RELN: variants seen among roughly 807,000 people sequenced by gnomAD.
The protein encoded by RELN is reelin.
Under a neutral mutation model 427.6 loss-of-function variants are expected in RELN, and 108 were observed. The ratio of observed to expected loss-of-function variants is 0.25; its 90% CI spans 0.22 to 0.30. The LOEUF is 0.30. Among genes scored for constraint, RELN ranks in the 10% least tolerant of loss-of-function variants. The probability of loss-of-function intolerance (pLI) is 1.00; values close to 1 mark genes in which losing one functional copy is unlikely to be tolerated. For missense variants in RELN, 3,715 were observed against 4,302.8 expected (o/e 0.86, Z 3.82); for synonymous variants, 1,524 against 1,513.4 (o/e 1.01, Z -0.16).
At chr7:103,963,614 C>G (rs556308635) in intron 1 of RELN, among the ~76,000 whole-genome samples, 2 of 152,048 alleles carry the variant, frequency 1.3e-5, no homozygotes, top group African/African-American at 4.8e-5. Context: ...TTTTAAAAAT[C>G]TGAAAAACTA....
At chr7:103,980,155 T>A (rs1361658954) in intron 1 of RELN, among the ~76,000 whole-genome samples, 2 of 149,046 alleles carry the variant, frequency 1.3e-5, no homozygotes, top group African/African-American at 4.9e-5. Flanking sequence ...AGCGAAACTC[T>A]GTCTCCAAAA....
rs191070307 is a variant in RELN, at chr7:103,740,642, T to C, written c.656+8784A>G. Among the ~76,000 whole-genome samples the C allele has an allele frequency of 4.6e-5, 7 of 152,316 alleles. No homozygotes were observed. In the East Asian group the frequency reaches 5.8e-4, roughly 13 times the overall value. ...TTTTATGTACATGTACAGTCATTAG[T>C]AAATGAGATAAACTTGAATATTAAA... On this transcript the variant is annotated intron_variant, in intron 6 of 64. Coordinates refer to ENST00000428762, the MANE Select transcript of RELN (RefSeq NM_005045.4).
At chr7:103,634,588 A>G (rs1276655713) in intron 19 of RELN, among the ~76,000 whole-genome samples, 1 of 152,140 alleles carries the variant, frequency 6.6e-6, no homozygotes, top group African/African-American at 2.4e-5. Flanking sequence ...AAAAATAGAA[A>G]TGGCCTGAAG....
intron 16 of RELN, among the ~76,000 whole-genome samples, chr7:103,649,436 G>T (rs1832866297): frequency 6.6e-6 from 1 of 152,036 alleles, no homozygotes; most frequent in Non-Finnish European, 1.5e-5. Flanking sequence ...AGAAAGGTGG[G>T]AGGATGGAAG....
At chr7:103,703,133 G>C (rs149550439) in intron 8 of RELN, among the ~76,000 whole-genome samples, 514 of 152,254 alleles carry the variant, frequency 3.4e-3, no homozygotes, top group African/African-American at 0.012. Flanking sequence ...GCCCATGCCA[G>C]AGGAACTGAG....
intron 2 of RELN, among the ~76,000 whole-genome samples, chr7:103,876,253 GC>G (rs1375811492): frequency 1.3e-5 from 2 of 152,184 alleles, no homozygotes; most frequent in African/African-American, 4.8e-5. Context: ...TTTTACCCCT[GC>G]AAATACATTA....
At position 103,984,711 on chromosome 7, in the gene RELN, C is replaced by T. The variant is rs553787811; in HGVS notation, c.226+4420G>A. ...TTTTCATAGTCCTATATAAGCAGGACGCAGCTTCAGTTCACTTATAAATTG... is the reference window on the plus strand; with the variant it reads ...TTTTCATAGTCCTATATAAGCAGGATGCAGCTTCAGTTCACTTATAAATTG... On this transcript the variant is annotated intron_variant, in intron 1 of 64. Coordinates refer to ENST00000428762, the MANE Select transcript of RELN (RefSeq NM_005045.4). Among the ~76,000 whole-genome samples the T allele has an allele frequency of 7.9e-5, 12 of 152,176 alleles. No homozygotes were observed. In the East Asian group the frequency reaches 9.6e-4, roughly 12 times the overall value.
At chr7:103,724,822 A>T (rs565891585) in intron 7 of RELN, among the ~76,000 whole-genome samples, 16 of 152,100 alleles carry the variant, frequency 1.1e-4, no homozygotes, top group Non-Finnish European at 2.2e-4. Context: ...GAAAAAAAAA[A>T]AGAAGCACTG....
chr7:103,486,131 A>T (rs777985044), intron 61 of RELN, 66 bp downstream of exon 61: 39 of 1,442,534 alleles, frequency 2.7e-5, no homozygotes, highest in Non-Finnish European at 3.8e-5. Context: ...TATCTAACAG[A>T]CAATGGACAA....
At chr7:103,608,050 T>G (rs965925287) in intron 22 of RELN, among the ~76,000 whole-genome samples, 1 of 152,220 alleles carries the variant, frequency 6.6e-6, no homozygotes, top group Admixed American at 6.5e-5. Context: ...AGGGACCACA[T>G]TTGCTTTTAT....
At chr7:103,787,868 A>C (rs1792058877) in intron 3 of RELN, among the ~76,000 whole-genome samples, 1 of 152,200 alleles carries the variant, frequency 6.6e-6, no homozygotes, top group Non-Finnish European at 1.5e-5. Flanking sequence ...AAAACCTGGC[A>C]GAGACACAAC....
At chr7:103,935,606 A>G (rs1563100055) in intron 1 of RELN, among the ~76,000 whole-genome samples, 1 of 151,988 alleles carries the variant, frequency 6.6e-6, no homozygotes, top group East Asian at 1.9e-4. Context: ...AAGGATCCCA[A>G]ATCTCCCTCC....
intron 28 of RELN, among the ~76,000 whole-genome samples, chr7:103,578,757 A>G (rs577257965): frequency 1.3e-5 from 2 of 152,356 alleles, no homozygotes; most frequent in Admixed American, 6.5e-5. Flanking sequence ...AGCAGGCTAA[A>G]GTTAAGTTAA....
chr7:103,493,055 A>T lies in RELN; in HGVS notation c.9370-1029T>A, dbSNP rs1006833187. Among the ~76,000 whole-genome samples the T allele has an allele frequency of 1.4e-4, 22 of 152,164 alleles. 1 individual carries two copies. Among genetic ancestry groups the T allele is most frequent in the Admixed American group, 6.5e-5 (1 of 15,280 alleles). ...TTGACCTTAATTTGGTAAGTGATGG[A>T]GAGTCATTAAAGGTTTCTGTGGAAT... On this transcript the variant is annotated intron_variant, in intron 57 of 64. Transcript: ENST00000428762.
intron 3 of RELN, among the ~76,000 whole-genome samples, chr7:103,833,122 A>C (rs1169504991): frequency 6.6e-6 from 1 of 152,044 alleles, no homozygotes; most frequent in Non-Finnish European, 1.5e-5. Flanking sequence ...GTGAATGTTT[A>C]AAATCTCTTT....
chr7:103,472,936 G>A (rs1402633362), intron 64 of RELN, 28 bp from the exon 65 acceptor site: 1 of 1,546,816 alleles, frequency 6.5e-7, no homozygotes, highest in Admixed American at 1.7e-5. Context: ...GATAGAGGCA[G>A]GGAAGGAAAG....
At chr7:103,749,328 A>C in intron 6 of RELN, 98 bp downstream of exon 6, 2 of 933,222 alleles carry the variant, frequency 2.1e-6, no homozygotes, top group Non-Finnish European at 3.6e-6. Context: ...CTTAGCACTA[A>C]AGATCAACTT....
At chr7:103,682,675 A>G (rs1416003759) in intron 10 of RELN, among the ~76,000 whole-genome samples, 2 of 152,200 alleles carry the variant, frequency 1.3e-5, no homozygotes, top group Admixed American at 6.5e-5. Context: ...CTTGCCATTC[A>G]AGTCTTTCAC....
intron 2 of RELN, among the ~76,000 whole-genome samples, chr7:103,896,469 G>A (rs539471896): frequency 1.7e-3 from 254 of 152,098 alleles, no homozygotes; most frequent in Non-Finnish European, 2.9e-3. Context: ...CAATAAAAAA[G>A]AACAAACTAC....
Sources: gnomAD v4.1 joint callset for allele counts (sites outside exome capture counted in the v4.1 genomes callset) on GRCh38, gnomAD v4.1.1 for gene constraint, MANE v1.5 for transcripts, NCBI Gene and HGNC (gene_info 2026-07-23, HGNC 2026-07-21) for gene names.